PHACTR2: variants seen among roughly 807,000 people sequenced by gnomAD.
PHACTR2 encodes the protein chromosome 6 open reading frame 56.
In PHACTR2, 30 loss-of-function variants were observed where a neutral mutation model predicts 76.0. The observed-to-expected ratio is 0.39, with a 90% CI of 0.30 to 0.54. PHACTR2 has a LOEUF of 0.54. Among genes scored for constraint, PHACTR2 ranks in the 20% least tolerant of loss-of-function variants. PHACTR2 has a pLI of 0.61. For missense variants in PHACTR2, 696 were observed against 781.1 expected, an observed-to-expected ratio of 0.89 and a Z score of 1.30; for synonymous variants, 292 against 292.5, an observed-to-expected ratio of 1.00 and a Z score of 0.02.
rs943707597 is a variant in PHACTR2 at position 143,580,402 on chromosome 6, G to A, written c.217+43195G>A. ...CTGGAGGCTGAGGCAGGAGAATGGC[G>A]TGAACCCAGGAGGCGGGGCTTGCAG... On this transcript the variant is annotated intron_variant, in intron 1 of 11. Coordinates refer to the PHACTR2 transcript ENST00000367584. The surrounding 1 kb of genome is among the most constrained non-coding windows in gnomAD (Gnocchi z 4.2). Among the ~76,000 whole-genome samples, 2 of 152,226 alleles carry A rather than the reference G, an allele frequency of 1.3e-5. No individual in the cohort carries two copies. The highest frequency in any genetic ancestry group is 2.1e-4 in the South Asian group (1 of 4,822).
chr6:143,763,619 C>A (rs1320127346), intron 5 of PHACTR2, among the ~76,000 whole-genome samples: 1 of 152,150 alleles, frequency 6.6e-6, no homozygotes, highest in African/African-American at 2.4e-5. Context: ...TTATGTATAT[C>A]TTAAACGATA....
chr6:143,641,563 A>T lies in PHACTR2; in HGVS notation c.13+33241A>T, dbSNP rs142760867. 2.0e-3 allele frequency among the ~76,000 whole-genome samples: 299 copies of T among 152,264 alleles called. 2 individuals are homozygous for T. The highest frequency in any genetic ancestry group is 7.0e-3 in the African/African-American group (289 of 41,546). On this transcript the variant is annotated intron_variant, in intron 1 of 11. Coordinates refer to the PHACTR2 transcript ENST00000305766. The surrounding 1 kb of genome is among the most constrained non-coding windows in gnomAD (Gnocchi z 5.8). ...CTCTTGTTACCCAGGCTGGAGTACA[A>T]TGGCATGATCTCGGCTAACCACAAC...
chr6:143,673,161 GA>G, upstream of PHACTR2, among the ~76,000 whole-genome samples: 1 of 152,254 alleles, frequency 6.6e-6, no homozygotes, highest in East Asian at 1.9e-4. Flanking sequence ...CCATGTGCTA[GA>G]GGTACCACGC....
chr6:143,675,571 C>T (rs1233188508), upstream of PHACTR2, among the ~76,000 whole-genome samples: 1 of 152,144 alleles, frequency 6.6e-6, no homozygotes, highest in African/African-American at 2.4e-5. The surrounding 1 kb of genome is among the most constrained non-coding windows in gnomAD (Gnocchi z 4.9). Context: ...ACCAGTTAAG[C>T]ATTTACCAAG....
At chr6:143,686,454 A>G (rs934971422) in intron 1 of PHACTR2, among the ~76,000 whole-genome samples, 3 of 149,824 alleles carry the variant, frequency 2.0e-5, no homozygotes, top group African/African-American at 7.3e-5. Flanking sequence ...TTATATGTAC[A>G]CACACATAGA....
chr6:143,710,929 T>G lies in PHACTR2; in HGVS notation c.47-1087T>G, dbSNP rs1046699837. 4.7e-6 allele frequency: 2 copies of G among 427,244 alleles called. No homozygotes were observed. The highest frequency in any genetic ancestry group is 3.9e-4 in the Middle Eastern group (1 of 2,588). The allele number at this position is 427,244 out of a possible 1,614,324, so 26.5% of individuals were successfully genotyped here. Reference sequence around the variant, plus strand: ...CACTTTTATCCATCTGCCTTTTCCATCTATCTATCCAGTTATTATTTTTGA... The same window carrying G: ...CACTTTTATCCATCTGCCTTTTCCAGCTATCTATCCAGTTATTATTTTTGA... On this transcript the variant is annotated intron_variant, in intron 1 of 12. Transcript: ENST00000440869. The surrounding 1 kb of genome is among the most constrained non-coding windows in gnomAD (Gnocchi z 4.9).
chr6:143,587,505 A>C (rs2128433886), intron 1 of PHACTR2, among the ~76,000 whole-genome samples: 1 of 152,352 alleles, frequency 6.6e-6, no homozygotes, highest in Admixed American at 6.5e-5. Context: ...GTTATCTTGG[A>C]GCAAACACTG....
In PHACTR2 at chr6:143,722,278, C is replaced by G. The variant is rs2128463561; in HGVS notation, c.214+10095C>G. On this transcript the variant is annotated intron_variant, in intron 2 of 12. Coordinates refer to ENST00000440869, the MANE Select transcript of PHACTR2 (RefSeq NM_001100164.2). The surrounding 1 kb of genome is among the most constrained non-coding windows in gnomAD (Gnocchi z 4.1). Reference sequence around the variant, plus strand: ...ATATGTACATATCATATCCACATTTCTTGGATGCTAGTTTCTCCGAAAGCA... The same window carrying G: ...ATATGTACATATCATATCCACATTTGTTGGATGCTAGTTTCTCCGAAAGCA... Among the ~76,000 whole-genome samples the G allele has an allele frequency of 1.3e-5, 2 of 152,082 alleles. No homozygotes were observed. Among genetic ancestry groups the G allele is most frequent in the South Asian group, 4.1e-4 (2 of 4,826 alleles).
Position 143,827,873 on chromosome 6 carries a change from T to A in PHACTR2, c.*4184T>A, listed in dbSNP as rs2128488794. 1 of 152,256 alleles carries A rather than the reference T, an allele frequency of 6.6e-6. No homozygotes were observed. Among genetic ancestry groups the A allele is most frequent in the East Asian group, 1.9e-4 (1 of 5,182 alleles). The allele number at this position is 152,256 out of a possible 1,614,324, so 9.4% of individuals were successfully genotyped here. ...TATGTCCTATATTGGCTGGGTGCGG[T>A]GGCTTACACCTGTAATACCAGCACT... On this transcript the variant is annotated 3_prime_UTR_variant, in exon 13 of 13. Transcript: ENST00000440869.
intron 1 of PHACTR2, among the ~76,000 whole-genome samples, chr6:143,559,359 G>A (rs1478184863): frequency 5.9e-5 from 9 of 152,278 alleles, no homozygotes; most frequent in African/African-American, 9.6e-5. Context: ...TTTCAAAATC[G>A]TCACTGATCC....
chr6:143,619,950 G>A lies in PHACTR2; in HGVS notation c.13+11628G>A, dbSNP rs780818630. On this transcript the variant is annotated intron_variant, in intron 1 of 11. Transcript: ENST00000305766. This position sits in a 1 kb window ranked among gnomAD's most constrained non-coding sequence, Gnocchi z 4.5. ...GTGGTACTTACAGAACATGTCACTC[G>A]GTCGGGGGTGGGGGGTCAGTTCATT... is the stretch of plus-strand genomic sequence containing the variant. Among the ~76,000 whole-genome samples, 3 of 94,898 alleles carry A rather than the reference G, an allele frequency of 3.2e-5. No individual in the cohort carries two copies. The highest frequency in any genetic ancestry group is 1.8e-4 in the Admixed American group (2 of 10,842). 62.3% of individuals were successfully genotyped at this position (94,898 alleles called of 152,430 possible).
In PHACTR2 at chr6:143,658,419, A is replaced by G. The variant is rs1776887334; in HGVS notation, c.13+50097A>G. Among the ~76,000 whole-genome samples, 1 of 152,168 alleles carries G rather than the reference A, an allele frequency of 6.6e-6. No individual in the cohort carries two copies. The highest frequency in any genetic ancestry group is 2.4e-5 in the African/African-American group (1 of 41,446). On this transcript the variant is annotated intron_variant, in intron 1 of 11. Coordinates refer to the PHACTR2 transcript ENST00000305766. The surrounding 1 kb of genome is among the most constrained non-coding windows in gnomAD (Gnocchi z 4.1). ...GCACTCAGTCTCTTTTTCCCAACAGATTTTTTTCAATAAAGTACAACCATG... is the reference window on the plus strand; with the variant it reads ...GCACTCAGTCTCTTTTTCCCAACAGGTTTTTTTCAATAAAGTACAACCATG...
At position 143,826,803 on chromosome 6, in the gene PHACTR2, T is replaced by C. The variant is rs1017759032; in HGVS notation, c.*3114T>C. 1.2e-4 allele frequency: 19 copies of C among 152,090 alleles called. No individual in the cohort carries two copies. The highest frequency in any genetic ancestry group is 2.8e-4 in the Non-Finnish European group (19 of 68,028). The allele number at this position is 152,090 out of a possible 1,614,324, so 9.4% of individuals were successfully genotyped here. On this transcript the variant is annotated 3_prime_UTR_variant, in exon 13 of 13. Coordinates refer to ENST00000440869, the MANE Select transcript of PHACTR2 (RefSeq NM_001100164.2). Reference sequence around the variant, plus strand: ...AATTCCTTAAATTACTTAACTGAAATCTGTAATAGAGAACCATTTTGGCAT... The same window carrying C: ...AATTCCTTAAATTACTTAACTGAAACCTGTAATAGAGAACCATTTTGGCAT...
chr6:143,666,849 T>G (rs1777046486), intron 1 of PHACTR2, among the ~76,000 whole-genome samples: 1 of 152,208 alleles, frequency 6.6e-6, no homozygotes, highest in Non-Finnish European at 1.5e-5. Context: ...CTGCTGAGAG[T>G]TTCTTTCGCT....
intron 2 of PHACTR2, among the ~76,000 whole-genome samples, chr6:143,723,812 C>A (rs889894953): frequency 1.3e-5 from 2 of 152,190 alleles, no homozygotes; most frequent in African/African-American, 4.8e-5. Context: ...TTCTCCCTCT[C>A]CTGTGTGTTA....
chr6:143,579,830 C>T (rs1399260503), intron 1 of PHACTR2, among the ~76,000 whole-genome samples: 2 of 152,182 alleles, frequency 1.3e-5, no homozygotes, highest in East Asian at 1.9e-4. Context: ...AATCCAGGCA[C>T]ATTTAGCTGG....
At chr6:143,590,341 C>T (rs967635407) in intron 1 of PHACTR2, among the ~76,000 whole-genome samples, 1 of 152,014 alleles carries the variant, frequency 6.6e-6, no homozygotes, top group African/African-American at 2.4e-5. Context: ...TCATGCAAGG[C>T]CTAATGAGCT....
chr6:143,594,387 T>A (rs1387137523), intron 1 of PHACTR2, among the ~76,000 whole-genome samples: 1 of 152,140 alleles, frequency 6.6e-6, no homozygotes, highest in Non-Finnish European at 1.5e-5. Flanking sequence ...GACTGTTGAG[T>A]CCCTACTGCT....
intron 2 of PHACTR2, among the ~76,000 whole-genome samples, chr6:143,719,443 A>G (rs1582807993): frequency 1.4e-5 from 2 of 138,132 alleles, no homozygotes; most frequent in Admixed American, 1.6e-4. Context: ...TCCACCTCCC[A>G]GGTTCAAGCA....
Sources: gnomAD v4.1 joint callset for allele counts (sites outside exome capture counted in the v4.1 genomes callset) on GRCh38, gnomAD v4.1.1 for gene constraint, Gnocchi (gnomAD v3.1) non-coding constraint, MANE v1.5 for transcripts, NCBI Gene and HGNC (gene_info 2026-07-23, HGNC 2026-07-21) for gene names.